SEC24B: variants seen among roughly 807,000 people sequenced by gnomAD.
The protein encoded by SEC24B is protein transport protein Sec24B.
In SEC24B, 45 loss-of-function variants were observed where a neutral mutation model predicts 142.8. That is an observed-to-expected ratio of 0.32 (90% CI 0.25 to 0.40). SEC24B has a LOEUF of 0.40. Ranked by LOEUF, SEC24B falls within the 10% of genes least tolerant of loss-of-function variation. The pLI, the probability that SEC24B is intolerant of heterozygous loss-of-function variation, is 1.00. For synonymous variants in SEC24B, 574 were observed against 568.2 expected, an observed-to-expected ratio of 1.01 and a Z score of -0.15; for missense variants, 1,409 against 1,526.8, an observed-to-expected ratio of 0.92 and a Z score of 1.29.
At chr4:109,499,535 C>T (rs1735892472) in intron 6 of SEC24B, among the ~76,000 whole-genome samples, 1 of 152,166 alleles carries the variant, frequency 6.6e-6, no homozygotes, top group African/African-American at 2.4e-5. Context: ...CATAAACGCA[C>T]ATGCATACAG....
chr4:109,455,266 T>TG (rs1316668300), intron 1 of SEC24B, among the ~76,000 whole-genome samples: 1 of 152,054 alleles, frequency 6.6e-6, no homozygotes, highest in African/African-American at 2.4e-5. Context: ...TTTTTTTTTT[T>TG]GGGATGGAGT....
intron 21 of SEC24B, 61 bp from the exon 22 acceptor site, chr4:109,533,532 C>A (rs1202655380): frequency 1.2e-5 from 12 of 1,011,308 alleles, no homozygotes; most frequent in Admixed American, 7.3e-5. Flanking sequence ...ATTTTGAGAA[C>A]ATTAATGAAA....
At chr4:109,525,605 G>C (rs766868425) in intron 16 of SEC24B, 101 bp downstream of exon 16, 1 of 712,518 alleles carries the variant, frequency 1.4e-6, no homozygotes, top group Non-Finnish European at 2.2e-6. Context: ...ATGGAAGACT[G>C]TTTGATCTCA....
Position 109,526,485 on chromosome 4 carries a change from T to C in SEC24B, c.2965+86T>C. The C allele has an allele frequency of 5.4e-6, 5 of 931,254 alleles. No individual in the cohort carries two copies. The Admixed American group carries it at 1.1e-4, about 20-fold the overall frequency. 57.7% of individuals were successfully genotyped at this position (931,254 alleles called of 1,614,324 possible). On this transcript the variant is annotated intron_variant, in intron 17 of 23. Transcript: ENST00000265175. Reference sequence around the variant, plus strand: ...CCTTTAGTGGAGTGGGGAAAAAGAATGAATACACAGTGGGAAGTAATGGAA... The same window carrying C: ...CCTTTAGTGGAGTGGGGAAAAAGAACGAATACACAGTGGGAAGTAATGGAA...
chr4:109,513,900 T>C (rs1340633804), intron 10 of SEC24B, 44 bp downstream of exon 10: 3 of 1,231,516 alleles, frequency 2.4e-6, no homozygotes, highest in Non-Finnish European at 3.6e-6. Flanking sequence ...ACAATTACAT[T>C]GGTCATTTGT....
At chr4:109,516,492 C>G (rs762853146) in intron 10 of SEC24B, 36 bp from the exon 11 acceptor site, 1 of 1,273,706 alleles carries the variant, frequency 7.9e-7, no homozygotes, top group African/African-American at 1.5e-5. Flanking sequence ...TAAATTGTAC[C>G]TACCAAATAA....
Position 109,521,536 on chromosome 4 carries a change from C to T in SEC24B, c.2418C>T (p.Gly806=). ...AAFKLMSPTG[G]RVSVFQTQLP... The stretch of plus-strand genomic sequence containing the variant: ...TTAAATTAATGTCTCCAACAGGTGG[C>T]CGTGTGTCTGTATTTCAGACACAGT... The change falls in exon 14 of 24, where the codon GGC becomes GGT. Residue 806 remains glycine, a synonymous_variant. Coordinates refer to ENST00000265175, the MANE Select transcript of SEC24B (RefSeq NM_006323.5). The T allele has an allele frequency of 6.2e-7, 1 of 1,614,072 alleles. No individual in the cohort carries two copies. Among genetic ancestry groups the T allele is most frequent in the Non-Finnish European group, 8.5e-7 (1 of 1,179,942 alleles).
At position 109,512,086 on chromosome 4, in the gene SEC24B, G is replaced by A. The variant is rs999631752; in HGVS notation, c.1903+3G>A. The A allele has an allele frequency of 3.1e-6, 5 of 1,600,928 alleles. No homozygotes were observed. The highest frequency in any genetic ancestry group is 1.3e-5 in the African/African-American group (1 of 74,096). ...TTTGTGCTATAGAGTAAACGATGGTGAGTTTTAGATTCTTAATTGTGTTTT... is the reference window on the plus strand; with the variant it reads ...TTTGTGCTATAGAGTAAACGATGGTAAGTTTTAGATTCTTAATTGTGTTTT... On this transcript the variant is annotated splice_donor_region_variant and intron_variant, in intron 9 of 23. Coordinates refer to ENST00000265175, the MANE Select transcript of SEC24B (RefSeq NM_006323.5).
At chr4:109,528,840 C>T (rs10516558) in intron 18 of SEC24B, among the ~76,000 whole-genome samples, 26,626 of 152,090 alleles carry the variant, frequency 0.18, 2,638 homozygotes, top group African/African-American at 0.27. Context: ...TAGCATTTAC[C>T]GAAGGATCCA....
intron 1 of SEC24B, among the ~76,000 whole-genome samples, chr4:109,453,669 A>G (rs190294100): frequency 6.6e-6 from 1 of 152,182 alleles, no homozygotes; most frequent in East Asian, 1.9e-4. Context: ...TATGCTCTAC[A>G]AACAATTTGT....
intron 4 of SEC24B, among the ~76,000 whole-genome samples, chr4:109,488,157 C>A (rs1734580729): frequency 6.6e-6 from 1 of 152,002 alleles, no homozygotes; most frequent in Non-Finnish European, 1.5e-5. Context: ...TTGTGCTGTT[C>A]TGCAGTTTTT....
chr4:109,489,933 TA>T (rs929799176), intron 4 of SEC24B, among the ~76,000 whole-genome samples: 1 of 151,976 alleles, frequency 6.6e-6, no homozygotes, highest in Admixed American at 6.6e-5. Flanking sequence ...GAAAGGGCAT[TA>T]CTTTCCATTC....
At chr4:109,461,640 T>C (rs1039735366) in intron 1 of SEC24B, among the ~76,000 whole-genome samples, 5 of 152,234 alleles carry the variant, frequency 3.3e-5, no homozygotes, top group East Asian at 1.9e-4. Flanking sequence ...TGCTTACATA[T>C]GCATTACATA....
At position 109,467,325 on chromosome 4, in the gene SEC24B, C is replaced by CA. The variant is rs70949083; in HGVS notation, c.877+3703dup. Reference sequence around the variant, plus strand: ...TGGGCGACAGAGCGAGACTCCGTCTCAAAAAAAAAAAAAAAAAAAAAAGTC... The same window carrying CA: ...TGGGCGACAGAGCGAGACTCCGTCTCAAAAAAAAAAAAAAAAAAAAAAAGTC... On this transcript the variant is annotated intron_variant, in intron 2 of 23. Transcript: ENST00000265175. Among the ~76,000 whole-genome samples, 550 of 58,672 alleles carry CA rather than the reference C, an allele frequency of 9.4e-3. 5 individuals carry two copies. The highest frequency in any genetic ancestry group is 0.016 in the East Asian group (26 of 1,658). 38.5% of individuals were successfully genotyped at this position (58,672 alleles called of 152,430 possible). A position where few individuals can be genotyped will look rare whatever the true frequency, so the allele number is the denominator to read the frequency against.
At chr4:109,483,629 T>C (rs1015482840) in intron 4 of SEC24B, among the ~76,000 whole-genome samples, 2 of 152,206 alleles carry the variant, frequency 1.3e-5, no homozygotes, top group Non-Finnish European at 2.9e-5. Flanking sequence ...AATGTGAAGA[T>C]CTGTTCTGCA....
rs184041677 is a variant in SEC24B at position 109,455,199 on chromosome 4, C to T, written c.134-7702C>T. On this transcript the variant is annotated intron_variant, in intron 1 of 23. Transcript: ENST00000265175. The stretch of plus-strand genomic sequence containing the variant: ...AGAATTCATTGTCAATCCCAGATTC[C>T]CTTCAAAAATCCATATTTTCTCTTA... Among the ~76,000 whole-genome samples the T allele has an allele frequency of 2.6e-5, 4 of 152,222 alleles. No homozygotes were observed. The East Asian group carries it at 7.7e-4, about 29-fold the overall frequency.
In SEC24B at chr4:109,540,216, A is replaced by G; in HGVS notation, c.*541A>G. 1 of 152,830 alleles carries G rather than the reference A, an allele frequency of 6.5e-6. No individual in the cohort carries two copies. The highest frequency in any genetic ancestry group is 1.9e-4 in the East Asian group (1 of 5,194). The allele number at this position is 152,830 out of a possible 1,614,324, so 9.5% of individuals were successfully genotyped here. On this transcript the variant is annotated 3_prime_UTR_variant, in exon 24 of 24. Transcript: ENST00000265175. ...AACTATAGAAAAAAATCTATATATA[A>G]TGTACATAAATGTTACATTTGTAAA...
In SEC24B at chr4:109,474,799, A is replaced by G. The variant is rs1281449706; in HGVS notation, c.1060+1613A>G. On this transcript the variant is annotated intron_variant, in intron 3 of 23. Transcript: ENST00000265175. ...TCTTTTTATAAATAATATTTTGTAA[A>G]TGGTTTGCCCACTAAACAATTGCAA... Among the ~76,000 whole-genome samples, 5 of 152,202 alleles carry G rather than the reference A, an allele frequency of 3.3e-5. No individual in the cohort carries two copies. The South Asian group carries it at 6.2e-4, about 19-fold the overall frequency.
chr4:109,524,714 C>G (rs1724030160), intron 14 of SEC24B, 104 bp from the exon 15 acceptor site: 1 of 1,007,954 alleles, frequency 9.9e-7, no homozygotes, highest in South Asian at 2.0e-5. Context: ...TTAGAAAACT[C>G]TTAGTTTGGT....
Sources: allele counts gnomAD v4.1 joint callset (sites outside exome capture counted in the v4.1 genomes callset), GRCh38; gene constraint gnomAD v4.1.1; transcripts MANE v1.5; gene names NCBI Gene and HGNC (gene_info 2026-07-23, HGNC 2026-07-21).